TTL: variants seen among roughly 807,000 people sequenced by gnomAD.
TTL encodes tubulin--tyrosine ligase.
TTL carries 10 observed loss-of-function variants against 41.1 expected under a neutral mutation model. That is an observed-to-expected ratio of 0.24 (90% confidence interval 0.15 to 0.41). The LOEUF (loss-of-function observed/expected upper bound fraction) is 0.41, where lower values mean the gene tolerates loss of function less well. Among genes scored for constraint, TTL ranks in the 10% least tolerant of loss-of-function variants. The pLI, the probability that TTL is intolerant of heterozygous loss-of-function variation, is 1.00. For missense variants in TTL, 367 were observed against 460.4 expected, an observed-to-expected ratio of 0.80 and a Z score of 1.86; for synonymous variants, 175 against 175.5, an observed-to-expected ratio of 1.00 and a Z score of 0.02.
chr2:112,511,248 A>G (rs1248066168), intron 5 of TTL, among the ~76,000 whole-genome samples: 11 of 151,552 alleles, frequency 7.3e-5, no homozygotes, highest in Non-Finnish European at 1.0e-4. Context: ...GGCTCAAGCA[A>G]TTCTCCCATC....
Position 112,494,252 on chromosome 2 carries a change from A to G in TTL, c.346A>G (p.Ile116Val). The G allele has an allele frequency of 2.5e-6, 4 of 1,614,222 alleles. No homozygotes were observed. Among genetic ancestry groups the G allele is most frequent in the Non-Finnish European group, 3.4e-6 (4 of 1,180,022 alleles). ...TCCAGTTGCTCCAGCACAGAATGGA[A>G]TTCAGCCACCAATCAGTAACTCAAG... Reference protein sequence around the residue: ...KTPVAPAQNGIQPPISNSRTD... With the variant: ...KTPVAPAQNGVQPPISNSRTD... Residue 116 changes from isoleucine to valine, a missense_variant, in exon 3 of 7, where the codon ATT (isoleucine) becomes GTT (valine). Coordinates refer to ENST00000233336, the MANE Select transcript of TTL (RefSeq NM_153712.5).
intron 3 of TTL, among the ~76,000 whole-genome samples, chr2:112,500,250 T>G (rs976424979): frequency 7.3e-5 from 11 of 150,732 alleles, no homozygotes; most frequent in Admixed American, 2.0e-4. Flanking sequence ...AGAGTTTTTT[T>G]GGGGGGAGTG....
chr2:112,512,352 T>TTTCTCC lies in TTL; in HGVS notation c.876-7929_876-7928insTCTCCT, dbSNP rs1479509667. Among the ~76,000 whole-genome samples, 5 of 152,140 alleles carry TTTCTCC rather than the reference T, an allele frequency of 3.3e-5. No homozygotes were observed. In the East Asian group the frequency reaches 9.7e-4, roughly 29 times the overall value. ...ATCTCGGCTCACTGCAAGCTCCGCCTTGCAGGTTCACGCCATTCTCCTGCC... is the reference window on the plus strand; with the variant it reads ...ATCTCGGCTCACTGCAAGCTCCGCCTTTCTCCTGCAGGTTCACGCCATTCTCCTGCC... On this transcript the variant is annotated intron_variant, in intron 5 of 6. Transcript: ENST00000233336.
At chr2:112,509,819 C>G (rs1681877103) in intron 5 of TTL, among the ~76,000 whole-genome samples, 1 of 152,202 alleles carries the variant, frequency 6.6e-6, no homozygotes. Flanking sequence ...CGGAGCTGTT[C>G]CTATTCGGCC....
intron 6 of TTL, chr2:112,522,361 C>T (rs1353654540): frequency 1.3e-5 from 2 of 152,670 alleles, no homozygotes; most frequent in Admixed American, 6.5e-5. Context: ...TCCTTATTGC[C>T]ACCTCCAGCA....
chr2:112,498,104 A>T (rs1681585816), intron 3 of TTL, among the ~76,000 whole-genome samples: 1 of 152,160 alleles, frequency 6.6e-6, no homozygotes, highest in Non-Finnish European at 1.5e-5. Context: ...CGGGCGGATC[A>T]CCTGAGGTCA....
intron 5 of TTL, among the ~76,000 whole-genome samples, chr2:112,514,227 G>A (rs6731178): frequency 0.042 from 6,356 of 152,022 alleles, 462 homozygotes; most frequent in African/African-American, 0.15. Context: ...ACCAAAATAT[G>A]CAAAATTAGC....
chr2:112,525,465 G>C (rs147688618), intron 6 of TTL, among the ~76,000 whole-genome samples: 55 of 152,094 alleles, frequency 3.6e-4, no homozygotes, highest in Non-Finnish European at 6.0e-4. Context: ...CTTTTATTTC[G>C]TTGAGCAGCG....
chr2:112,494,445 C>T lies in TTL; in HGVS notation c.469+70C>T, dbSNP rs560717487. On this transcript the variant is annotated intron_variant, in intron 3 of 6. Transcript: ENST00000233336. Reference sequence around the variant, plus strand: ...TATTGTGATGTATTTAGATGAATGACCCTATTTTAATCTGAATCATCGAAG... The same window carrying T: ...TATTGTGATGTATTTAGATGAATGATCCTATTTTAATCTGAATCATCGAAG... The T allele has an allele frequency of 9.2e-5, 112 of 1,210,850 alleles. No individual in the cohort carries two copies. In the African/African-American group the frequency reaches 1.4e-3, roughly 15 times the overall value. 75.0% of individuals were successfully genotyped at this position (1,210,850 alleles called of 1,614,324 possible).
chr2:112,495,846 T>TA (rs11400473), intron 3 of TTL, among the ~76,000 whole-genome samples: 25,017 of 149,066 alleles, frequency 0.17, 2,310 homozygotes, highest in East Asian at 0.3. Context: ...TCTCAAAAAT[T>TA]AAAAAAAAAA....
Position 112,521,391 on chromosome 2 carries a change from C to G in TTL, c.1019+966C>G, listed in dbSNP as rs887421045. On this transcript the variant is annotated intron_variant, in intron 6 of 6. Coordinates refer to ENST00000233336, the MANE Select transcript of TTL (RefSeq NM_153712.5). Reference sequence around the variant, plus strand: ...GCCTTACGTGTCAGGGAAAGTCACTCGGACTCAATTCTCTTGTGCTGAGGG... The same window carrying G: ...GCCTTACGTGTCAGGGAAAGTCACTGGGACTCAATTCTCTTGTGCTGAGGG... 4.1e-6 allele frequency: 4 copies of G among 983,050 alleles called. No homozygotes were observed. In the African/African-American group the frequency reaches 7.0e-5, roughly 17 times the overall value. 60.9% of individuals were successfully genotyped at this position (983,050 alleles called of 1,614,324 possible).
chr2:112,498,540 C>T (rs1681597951), intron 3 of TTL, among the ~76,000 whole-genome samples: 1 of 152,164 alleles, frequency 6.6e-6, no homozygotes, highest in South Asian at 2.1e-4. Context: ...CTAAACTGGT[C>T]TATAGGTTTA....
At position 112,540,915 on chromosome 2, in the gene TTL, G is replaced by A. The variant is rs1394121710; in HGVS notation, c.*12120G>A. On this transcript the variant is annotated 3_prime_UTR_variant, in exon 7 of 7. Transcript: ENST00000233336. ...AATATAGGTGAAAATCCCCATGATT[G>A]AAAAATATCTAGTATTTGATAGCAC... 6.6e-6 allele frequency: 1 copy of A among 152,162 alleles called. No individual in the cohort carries two copies. Among genetic ancestry groups the A allele is most frequent in the Non-Finnish European group, 1.5e-5 (1 of 68,016 alleles). The allele number at this position is 152,162 out of a possible 1,614,324, so 9.4% of individuals were successfully genotyped here. A position where few individuals can be genotyped will look rare whatever the true frequency, so the allele number is the denominator to read the frequency against.
chr2:112,509,556 C>A (rs1394576030), intron 5 of TTL, among the ~76,000 whole-genome samples: 1 of 152,098 alleles, frequency 6.6e-6, no homozygotes, highest in South Asian at 2.1e-4. Context: ...GCGCAATATT[C>A]GGGTGGGAGT....
chr2:112,521,399 A>G (rs1682224650), intron 6 of TTL: 11 of 980,350 alleles, frequency 1.1e-5, no homozygotes, highest in Non-Finnish European at 1.3e-5. Context: ...CTCGGACTCA[A>G]TTCTCTTGTG....
Position 112,539,366 on chromosome 2 carries a change from T to TA in TTL, c.*10572dup, listed in dbSNP as rs1682669970. 6.8e-6 allele frequency: 1 copy of TA among 148,116 alleles called. No individual in the cohort carries two copies. The highest frequency in any genetic ancestry group is 1.5e-5 in the Non-Finnish European group (1 of 67,174). 9.2% of individuals were successfully genotyped at this position (148,116 alleles called of 1,614,324 possible). A position where few individuals can be genotyped will look rare whatever the true frequency, so the allele number is the denominator to read the frequency against. On this transcript the variant is annotated 3_prime_UTR_variant, in exon 7 of 7. Transcript: ENST00000233336. The stretch of plus-strand genomic sequence containing the variant: ...GAAAGAATGCAAGGTTTTTTTAACA[T>TA]ACAAAATTTACTTAATATAATATAC...
chr2:112,484,841 G>T (rs1248448573), intron 1 of TTL, among the ~76,000 whole-genome samples: 2 of 152,160 alleles, frequency 1.3e-5, no homozygotes, highest in South Asian at 2.1e-4. Flanking sequence ...CATTCTCAGA[G>T]AAATTATTCT....
chr2:112,496,094 C>G (rs1559012495), intron 3 of TTL, among the ~76,000 whole-genome samples: 1 of 152,054 alleles, frequency 6.6e-6, no homozygotes, highest in Non-Finnish European at 1.5e-5. Flanking sequence ...TAGTGTGGTT[C>G]CAATGGTAAA....
Position 112,531,031 on chromosome 2 carries a change from A to G in TTL, c.*2236A>G, listed in dbSNP as rs551479566. The G allele has an allele frequency of 4.6e-5, 9 of 194,320 alleles. No individual in the cohort carries two copies. The highest frequency in any genetic ancestry group is 1.9e-4 in the South Asian group (1 of 5,320). 12.0% of individuals were successfully genotyped at this position (194,320 alleles called of 1,614,324 possible). A position where few individuals can be genotyped will look rare whatever the true frequency, so the allele number is the denominator to read the frequency against. Reference sequence around the variant, plus strand: ...TTGCCCAGGCTGGATTGCAGTGGCTATTCGCAGTTGTAATCATAGCACACT... The same window carrying G: ...TTGCCCAGGCTGGATTGCAGTGGCTGTTCGCAGTTGTAATCATAGCACACT... On this transcript the variant is annotated 3_prime_UTR_variant, in exon 7 of 7. Transcript: ENST00000233336.
Sources: gnomAD v4.1 joint callset for allele counts (sites outside exome capture counted in the v4.1 genomes callset) on GRCh38, gnomAD v4.1.1 for gene constraint, MANE v1.5 for transcripts, NCBI Gene and HGNC (gene_info 2026-07-23, HGNC 2026-07-21) for gene names.